Variants in CDH13 observed in about 807,000 individuals in gnomAD.
CDH13 encodes cadherin-13.
CDH13 carries 24 observed loss-of-function variants against 63.8 expected under a neutral mutation model. The observed-to-expected ratio is 0.38, with a 90% CI of 0.27 to 0.53. CDH13 has a LOEUF of 0.53. Ranked by LOEUF, CDH13 falls within the 20% of genes least tolerant of loss-of-function variation. The pLI is 0.85. For missense variants in CDH13, 1,049 were observed against 903.1 expected, an observed-to-expected ratio of 1.16 and a Z score of -2.07; for synonymous variants, 503 against 355.3, an observed-to-expected ratio of 1.42 and a Z score of -4.67.
chr16:82,926,955 G>T (rs561141521), intron 2 of CDH13, among the ~76,000 whole-genome samples: 104 of 152,284 alleles, frequency 6.8e-4, no homozygotes, highest in African/African-American at 2.5e-3. Flanking sequence ...TGTGTCATTT[G>T]TGAGGGCTCA....
intron 1 of CDH13, chr16:82,637,585 A>T (rs1456412976): frequency 1.4e-5 from 2 of 144,108 alleles, no homozygotes; most frequent in Non-Finnish European, 3.1e-5. Flanking sequence ...CGCCCGCCAC[A>T]GCGCCCGGCT....
chr16:83,762,054 C>A (rs1567578991), intron 11 of CDH13, among the ~76,000 whole-genome samples: 1 of 151,864 alleles, frequency 6.6e-6, no homozygotes, highest in Non-Finnish European at 1.5e-5. Context: ...AGAGCGAGAC[C>A]CCACCTAAAA....
intron 3 of CDH13, among the ~76,000 whole-genome samples, chr16:83,109,342 C>G (rs1430614101): frequency 2.6e-5 from 4 of 152,130 alleles, no homozygotes; most frequent in East Asian, 3.9e-4. Flanking sequence ...TGTCTAACCC[C>G]TCAACTGCTG....
chr16:82,789,922 T>A (rs2036210602), intron 1 of CDH13, among the ~76,000 whole-genome samples: 1 of 152,052 alleles, frequency 6.6e-6, no homozygotes, highest in Admixed American at 6.5e-5. Flanking sequence ...GGTGAGGCAA[T>A]TAGTAGGTGT....
chr16:83,534,838 C>T (rs1380554302), intron 7 of CDH13, among the ~76,000 whole-genome samples: 2 of 152,218 alleles, frequency 1.3e-5, no homozygotes, highest in Admixed American at 6.5e-5. Flanking sequence ...CGTATACACA[C>T]CCAAAATTGG....
intron 8 of CDH13, among the ~76,000 whole-genome samples, chr16:83,614,974 A>C (rs1909163411): frequency 6.6e-6 from 1 of 152,146 alleles, no homozygotes; most frequent in South Asian, 2.1e-4. Flanking sequence ...AAGAAAGCTA[A>C]ACTTTTCTTT....
At chr16:83,352,201 T>C (rs548675434) in intron 6 of CDH13, among the ~76,000 whole-genome samples, 57 of 149,426 alleles carry the variant, frequency 3.8e-4, no homozygotes, top group East Asian at 1.2e-3. Context: ...TGTGTTTAGG[T>C]GACCATAAAA....
intron 1 of CDH13, among the ~76,000 whole-genome samples, chr16:82,700,404 A>T (rs2030839900): frequency 6.6e-6 from 1 of 152,204 alleles, no homozygotes; most frequent in Non-Finnish European, 1.5e-5. Flanking sequence ...AAGTATCCCC[A>T]CCAGTGAAGA....
intron 4 of CDH13, among the ~76,000 whole-genome samples, chr16:83,184,105 CACACACACACACACACACACAT>C (rs1371047116): frequency 8.9e-5 from 13 of 146,842 alleles, no homozygotes; most frequent in East Asian, 6.0e-4. Context: ...CACACACACA[CACACACACACACACACACACAT>C]ACACACACAC....
intron 3 of CDH13, among the ~76,000 whole-genome samples, chr16:83,057,140 T>C (rs527786683): frequency 6.6e-6 from 1 of 152,212 alleles, no homozygotes; most frequent in East Asian, 1.9e-4. Context: ...CTAATTTTTA[T>C]ATTTTTAGGA....
At chr16:82,706,105 T>C (rs1444427550) in intron 1 of CDH13, among the ~76,000 whole-genome samples, 1 of 152,040 alleles carries the variant, frequency 6.6e-6, no homozygotes, top group Admixed American at 6.6e-5. Flanking sequence ...CCTGTCTTCC[T>C]CACTCCTCCC....
chr16:82,802,795 G>A (rs1158452241), intron 1 of CDH13, among the ~76,000 whole-genome samples: 2 of 152,160 alleles, frequency 1.3e-5, no homozygotes, highest in East Asian at 1.9e-4. Flanking sequence ...TCTTCAAGCT[G>A]CCAGGAAAGT....
At chr16:82,682,149 C>T (rs559891562) in intron 1 of CDH13, among the ~76,000 whole-genome samples, 1 of 152,270 alleles carries the variant, frequency 6.6e-6, no homozygotes, top group African/African-American at 2.4e-5. Context: ...CTCTTGTTCC[C>T]AATGATAAGA....
chr16:82,627,705 G>A (rs1265579178), intron 1 of CDH13, among the ~76,000 whole-genome samples: 1 of 152,118 alleles, frequency 6.6e-6, no homozygotes, highest in East Asian at 2.0e-4. Flanking sequence ...GAGAGCCTCA[G>A]CCCGGCTGCT....
chr16:83,736,925 G>A (rs564663959), intron 10 of CDH13, among the ~76,000 whole-genome samples: 11 of 152,346 alleles, frequency 7.2e-5, no homozygotes, highest in African/African-American at 2.6e-4. Flanking sequence ...GAGGTTTTCA[G>A]AGAAGATGTG....
chr16:83,082,617 C>T (rs2033330396), intron 3 of CDH13, among the ~76,000 whole-genome samples: 3 of 152,202 alleles, frequency 2.0e-5, no homozygotes, highest in Non-Finnish European at 2.9e-5. Context: ...GCATTCCAGC[C>T]TGGGCAACAA....
intron 1 of CDH13, among the ~76,000 whole-genome samples, chr16:82,777,757 C>G (rs1031774969): frequency 1.3e-5 from 2 of 152,282 alleles, no homozygotes; most frequent in South Asian, 2.1e-4. Context: ...CATGGGTTGG[C>G]TCCTGAGCTC....
chr16:83,232,927 C>T (rs892186431), intron 5 of CDH13, among the ~76,000 whole-genome samples: 4 of 152,082 alleles, frequency 2.6e-5, no homozygotes, highest in Non-Finnish European at 5.9e-5. Context: ...CTGGGTATTT[C>T]CAAGGAAAGG....
At chr16:83,489,910 C>T (rs1296221111) in intron 7 of CDH13, among the ~76,000 whole-genome samples, 1 of 152,126 alleles carries the variant, frequency 6.6e-6, no homozygotes, top group Middle Eastern at 3.4e-3. Flanking sequence ...TACCTTGTCT[C>T]CTGTCTTCAT....
Sources: allele counts gnomAD v4.1 joint callset (sites outside exome capture counted in the v4.1 genomes callset), GRCh38; gene constraint gnomAD v4.1.1; transcripts MANE v1.5; gene names NCBI Gene and HGNC (gene_info 2026-07-23, HGNC 2026-07-21).